The following AHCTF1 variants were observed in gnomAD, a reference collection of about 807,000 sequenced individuals.
AHCTF1 encodes protein ELYS.
AHCTF1 carries 24 observed loss-of-function variants against 248.4 expected under a neutral mutation model. The ratio of observed to expected loss-of-function variants is 0.10; its 90% CI spans 0.07 to 0.14. The LOEUF is 0.14. AHCTF1 is among the 10% of genes least tolerant of loss of function. The pLI is 1.00. For missense variants in AHCTF1, 2,206 were observed against 2,636.2 expected (o/e 0.84, Z 3.57); for synonymous variants, 786 against 929.8 (o/e 0.85, Z 2.81).
chr1:246,887,475 G>A (rs1245200905), intron 19 of AHCTF1, 118 bp from the exon 20 acceptor site: 26 of 1,060,368 alleles, frequency 2.5e-5, no homozygotes, highest in Non-Finnish European at 3.2e-5. Flanking sequence ...CCTGTTTTTA[G>A]TGTTTAGAAA....
At chr1:246,905,819 G>A (rs1192240013) in intron 5 of AHCTF1, among the ~76,000 whole-genome samples, 162 bp from the exon 6 acceptor site, 4 of 152,246 alleles carry the variant, frequency 2.6e-5, no homozygotes, top group Admixed American at 6.5e-5. Flanking sequence ...AAATACACAC[G>A]GCACAAGACA....
At chr1:246,861,872 A>C in intron 28 of AHCTF1, 87 bp downstream of exon 28, 3 of 1,148,064 alleles carry the variant, frequency 2.6e-6, no homozygotes, top group Non-Finnish European at 3.7e-6. Context: ...TGGTATTTAA[A>C]AACTTGATTT....
chr1:246,849,494 AT>A, intron 33 of AHCTF1, 120 bp downstream of exon 33: 1 of 1,270,334 alleles, frequency 7.9e-7, no homozygotes, highest in Non-Finnish European at 1.1e-6. Context: ...TAAAAGATCA[AT>A]TTTGGTTTGA....
At chr1:246,898,387 C>A in intron 11 of AHCTF1, 51 bp from the exon 12 acceptor site, 1 of 1,526,988 alleles carries the variant, frequency 6.5e-7, no homozygotes, top group South Asian at 1.2e-5. Context: ...TTTGAATAAT[C>A]AAATTTAAGA....
At chr1:246,898,056 C>A (rs1001474512) in intron 12 of AHCTF1, 152 bp downstream of exon 12, 13 of 1,121,928 alleles carry the variant, frequency 1.2e-5, no homozygotes, top group African/African-American at 1.1e-4. Context: ...GAATTTTAAA[C>A]CAAACCTAAG....
In AHCTF1 at chr1:246,894,747, T is replaced by G; in HGVS notation, c.1716A>C (p.Glu572Asp). 6.2e-7 allele frequency: 1 copy of G among 1,612,922 alleles called. No individual in the cohort carries two copies. Among genetic ancestry groups the G allele is most frequent in the Non-Finnish European group, 8.5e-7 (1 of 1,179,016 alleles). The change falls in exon 14 of 36, where the codon GAA becomes GAC. Residue 572 changes from glutamate (E) to aspartate (D), a missense_variant and splice_region_variant. Around this residue, in one of 6 missense-constraint regions of AHCTF1, gnomAD observed 650 missense variants for 870.8 expected, o/e 0.75. Coordinates refer to ENST00000648844, the MANE Select transcript of AHCTF1 (RefSeq NM_001323342.2). ...TGYIRRWITE[E>D]QPNSATNLRF... ...GCAAATTAGTGGCAGAATTTGGTTG[T>G]TCTTATTTGTAAATACAAAAGGGAA...
intron 2 of AHCTF1, 93 bp from the exon 3 acceptor site, chr1:246,916,488 A>G: frequency 8.8e-7 from 1 of 1,130,246 alleles, no homozygotes; most frequent in Admixed American, 2.4e-5. Flanking sequence ...TATGTTCATT[A>G]CATAAAACTT....
At chr1:246,867,922 T>G (rs1026966668) in intron 24 of AHCTF1, 111 bp from the exon 25 acceptor site, 5 of 386,120 alleles carry the variant, frequency 1.3e-5, no homozygotes, top group Non-Finnish European at 7.9e-6. Flanking sequence ...CACACACACA[T>G]TACGTGGTAA....
intron 24 of AHCTF1, among the ~76,000 whole-genome samples, chr1:246,874,783 T>A (rs1446656444): frequency 2.0e-5 from 3 of 151,994 alleles, no homozygotes; most frequent in Non-Finnish European, 4.4e-5. Flanking sequence ...TCCTTTAACA[T>A]CTCCAGACAC....
chr1:246,903,103 T>C (rs1665119726), intron 7 of AHCTF1, among the ~76,000 whole-genome samples: 2 of 152,188 alleles, frequency 1.3e-5, no homozygotes, highest in South Asian at 4.1e-4. Context: ...CCCATAAAAA[T>C]GCAACACATA....
At chr1:246,910,032 G>A (rs1405443457) in intron 4 of AHCTF1, among the ~76,000 whole-genome samples, 1 of 152,208 alleles carries the variant, frequency 6.6e-6, no homozygotes, top group East Asian at 1.9e-4. Context: ...ATCACTAATT[G>A]AAACTACTAG....
intron 24 of AHCTF1, among the ~76,000 whole-genome samples, chr1:246,872,625 T>A (rs763818920): frequency 6.6e-6 from 1 of 152,068 alleles, no homozygotes; most frequent in Non-Finnish European, 1.5e-5. Flanking sequence ...TCAAGCATAG[T>A]AATAAAACAT....
At chr1:246,888,012 T>A (rs922036711) in intron 19 of AHCTF1, among the ~76,000 whole-genome samples, 165 bp downstream of exon 19, 1 of 152,204 alleles carries the variant, frequency 6.6e-6, no homozygotes, top group African/African-American at 2.4e-5. Flanking sequence ...TTTAGGTTGA[T>A]CACAGGCCAT....
In AHCTF1 at chr1:246,867,677, T is replaced by C. The variant is rs1289586299; in HGVS notation, c.3223A>G (p.Thr1075Ala). 6.2e-7 allele frequency: 1 copy of C among 1,611,906 alleles called. No individual in the cohort carries two copies. Among genetic ancestry groups the C allele is most frequent in the Admixed American group, 1.7e-5 (1 of 59,912 alleles). The change falls in exon 25 of 36, where the codon ACC (threonine) becomes GCC (alanine). Residue 1075 changes from threonine to alanine, a missense_variant. Thr to Ala is a moderately conservative substitution (Grantham distance 58). Transcript: ENST00000648844. ...VWASKEPINS[T>A]TPFNSSKIEE... ...AAAACATACCTATTGAAAGGTGTGGTGCTATTTATAGGTTCTTTGCTTGCC... is the reference window on the plus strand; with the variant it reads ...AAAACATACCTATTGAAAGGTGTGGCGCTATTTATAGGTTCTTTGCTTGCC...
intron 3 of AHCTF1, 64 bp from the exon 4 acceptor site, chr1:246,913,476 A>T: frequency 6.7e-7 from 1 of 1,482,742 alleles, no homozygotes; most frequent in East Asian, 2.3e-5. Context: ...TTAACACAAT[A>T]AATTTAAGTT....
In AHCTF1 at chr1:246,852,195, A is replaced by T. The variant is rs533668533; in HGVS notation, c.4564-753T>A. ...ACAGATTGGAAATAACCTAGAAATTAGGATTCCCACTTACACCATACCCAC... is the reference window on the plus strand; with the variant it reads ...ACAGATTGGAAATAACCTAGAAATTTGGATTCCCACTTACACCATACCCAC... On this transcript the variant is annotated intron_variant, in intron 32 of 35. Coordinates refer to ENST00000648844, the MANE Select transcript of AHCTF1 (RefSeq NM_001323342.2). 2.0e-5 allele frequency among the ~76,000 whole-genome samples: 3 copies of T among 152,320 alleles called. No homozygotes were observed. In the East Asian group the frequency reaches 5.8e-4, roughly 29 times the overall value.
Position 246,877,258 on chromosome 1 carries a change from C to A in AHCTF1, c.2705G>T (p.Arg902Met). 1 of 1,608,856 alleles carries A rather than the reference C, an allele frequency of 6.2e-7. No individual in the cohort carries two copies. Among genetic ancestry groups the A allele is most frequent in the Non-Finnish European group, 8.5e-7 (1 of 1,178,418 alleles). Residue 902 changes from arginine (R) to methionine (M), a missense_variant, in exon 22 of 36, where the codon AGG becomes ATG. By Grantham distance (91) the Arg-to-Met change is moderately conservative. Transcript: ENST00000648844. The part of the protein sequence containing the change: ...AWNFLRQHCN[R>M]LNIEELLKHM... ...CTTCAGTAACTCCTCTATATTCAAC[C>A]TATTGCAATGTTGCCGCAAAAAATT...
intron 24 of AHCTF1, among the ~76,000 whole-genome samples, chr1:246,874,586 C>A (rs1009882137): frequency 9.2e-5 from 14 of 152,226 alleles, no homozygotes; most frequent in African/African-American, 3.4e-4. Flanking sequence ...GCCAGGCTGC[C>A]TTGGATTCCT....
At chr1:246,909,354 T>C (rs1018484311) in intron 4 of AHCTF1, among the ~76,000 whole-genome samples, 3 of 130,634 alleles carry the variant, frequency 2.3e-5, no homozygotes, top group African/African-American at 6.1e-5. Flanking sequence ...GAGGCAGAGG[T>C]TGCAGTGAGC....
Sources: gnomAD v4.1 joint callset for allele counts (sites outside exome capture counted in the v4.1 genomes callset) on GRCh38, gnomAD v4.1.1 for gene constraint, gnomAD v4.1.1 regional missense constraint, MANE v1.5 for transcripts, NCBI Gene and HGNC (gene_info 2026-07-23, HGNC 2026-07-21) for gene names.